ELAVL2: variants seen among roughly 807,000 people sequenced by gnomAD.
ELAVL2 encodes the protein ELAV-like protein 2.
Under a neutral mutation model 34.6 loss-of-function variants are expected in ELAVL2, and 4 were observed. The observed-to-expected ratio is 0.12, with a 90% CI of 0.06 to 0.26. The LOEUF (loss-of-function observed/expected upper bound fraction) is 0.26, where lower values mean the gene tolerates loss of function less well. Ranked by LOEUF, ELAVL2 falls within the 10% of genes least tolerant of loss-of-function variation. The pLI is 1.00. For missense variants in ELAVL2, 432 were observed against 442.8 expected (o/e 0.98, Z 0.22); for synonymous variants, 193 against 154.8 (o/e 1.25, Z -1.83).
intron 3 of ELAVL2, among the ~76,000 whole-genome samples, chr9:23,723,269 T>C (rs530418856): frequency 9.2e-5 from 14 of 152,196 alleles, no homozygotes; most frequent in East Asian, 7.7e-4. Context: ...ATGTCCTTTG[T>C]AGGGACATGG....
At chr9:23,815,571 AAT>A (rs768880879) in intron 1 of ELAVL2, among the ~76,000 whole-genome samples, 8 of 152,334 alleles carry the variant, frequency 5.3e-5, no homozygotes, top group Non-Finnish European at 1.2e-4. Context: ...CAATTCAGTC[AAT>A]GTCATTTCAT....
chr9:23,833,815 T>G, the ELAVL2 span, among the ~76,000 whole-genome samples: 4 of 151,960 alleles, frequency 2.6e-5, no homozygotes, highest in South Asian at 6.2e-4. Context: ...CTATGATGTA[T>G]TAAGGCAAAA....
At chr9:23,735,233 C>T (rs2047587862) in intron 2 of ELAVL2, 1 of 151,624 alleles carries the variant, frequency 6.6e-6, no homozygotes, top group Admixed American at 6.6e-5. Context: ...TTCTCAGAAG[C>T]TACCTGTGGT....
At chr9:23,822,860 C>G (rs1158413361) in intron 1 of ELAVL2, among the ~76,000 whole-genome samples, 1 of 151,234 alleles carries the variant, frequency 6.6e-6, no homozygotes, top group Non-Finnish European at 1.5e-5. Flanking sequence ...GGGCATGATG[C>G]AGGTTTGATG....
chr9:23,833,443 T>A, the ELAVL2 span, among the ~76,000 whole-genome samples: 4 of 151,830 alleles, frequency 2.6e-5, no homozygotes, highest in Non-Finnish European at 5.9e-5. Flanking sequence ...AAGACTTTTT[T>A]AAGATGTTAA....
chr9:23,825,346 T>A (rs1415826508), intron 1 of ELAVL2, among the ~76,000 whole-genome samples: 2 of 152,320 alleles, frequency 1.3e-5, no homozygotes, highest in South Asian at 2.1e-4. Context: ...ATCTGGTTAA[T>A]GCAATTAAGC....
At chr9:23,750,027 A>C (rs1433042509) in intron 2 of ELAVL2, among the ~76,000 whole-genome samples, 2 of 126,108 alleles carry the variant, frequency 1.6e-5, no homozygotes, top group Non-Finnish European at 3.2e-5. Flanking sequence ...CTGTCTTAAA[A>C]AAGGAAAAAA....
chr9:23,746,351 T>C (rs1040309446), intron 2 of ELAVL2, among the ~76,000 whole-genome samples: 2 of 152,130 alleles, frequency 1.3e-5, no homozygotes, highest in African/African-American at 2.4e-5. Context: ...ATAAAAAATA[T>C]GAATTACATA....
rs116454710 is a variant in ELAVL2, at chr9:23,793,221, C to T, written c.-15-30972G>A. Among the ~76,000 whole-genome samples the T allele has an allele frequency of 9.5e-3, 1,441 of 152,278 alleles. 15 individuals are homozygous for T. The highest frequency in any genetic ancestry group is 0.03 in the African/African-American group (1,241 of 41,542). ...GGCTTGTTATGGCAAAACCTTCTAC[C>T]CTCAACTGCTGCTCTGCCACATACT... is the stretch of plus-strand genomic sequence containing the variant. On this transcript the variant is annotated intron_variant, in intron 1 of 6. Transcript: ENST00000397312.
At chr9:23,789,247 G>A (rs1426283031) in intron 1 of ELAVL2, among the ~76,000 whole-genome samples, 1 of 152,080 alleles carries the variant, frequency 6.6e-6, no homozygotes, top group Non-Finnish European at 1.5e-5. Context: ...ATCAGTCTAG[G>A]CCAGTGCCCA....
chr9:23,821,045 C>G (rs1194007307), intron 1 of ELAVL2, among the ~76,000 whole-genome samples: 2 of 152,208 alleles, frequency 1.3e-5, no homozygotes, highest in South Asian at 2.1e-4. Context: ...CCGAGAGCTC[C>G]AAGGACCGCG....
chr9:23,713,585 T>C lies in ELAVL2; in HGVS notation c.334-8514A>G, dbSNP rs80307239. 8.5e-3 allele frequency among the ~76,000 whole-genome samples: 1,293 copies of C among 152,162 alleles called. 22 individuals carry two copies. The highest frequency in any genetic ancestry group is 0.03 in the African/African-American group (1,241 of 41,490). On this transcript the variant is annotated intron_variant, in intron 3 of 6. Transcript: ENST00000397312. ...ACCGGTAGCTCTCTGCATTAGAAAA[T>C]TGTCAGTAGTGGTTAAGAATGCTAA...
intron 3 of ELAVL2, among the ~76,000 whole-genome samples, chr9:23,722,267 T>C (rs1026220447): frequency 1.3e-5 from 2 of 152,232 alleles, no homozygotes; most frequent in Non-Finnish European, 2.9e-5. Flanking sequence ...ACGACTTACA[T>C]GAACCTACCA....
intron 1 of ELAVL2, chr9:23,764,904 A>C (rs1350469606): frequency 7.8e-6 from 9 of 1,151,884 alleles, no homozygotes; most frequent in Non-Finnish European, 1.0e-5. Context: ...ATGTAAGAAT[A>C]ATTAGTATGC....
At chr9:23,807,937 G>A (rs1204880164) in intron 1 of ELAVL2, among the ~76,000 whole-genome samples, 1 of 152,144 alleles carries the variant, frequency 6.6e-6, no homozygotes, top group East Asian at 1.9e-4. Context: ...AGCTTTCAGA[G>A]TAAAAGTTGC....
intron 2 of ELAVL2, among the ~76,000 whole-genome samples, chr9:23,757,625 G>A (rs754949657): frequency 7.9e-5 from 12 of 151,744 alleles, no homozygotes; most frequent in Non-Finnish European, 1.5e-4. Context: ...ATTTAAAAAC[G>A]CAAAGGGATG....
At chr9:23,739,792 C>CAG (rs1341162757) in intron 2 of ELAVL2, among the ~76,000 whole-genome samples, 1 of 151,934 alleles carries the variant, frequency 6.6e-6, no homozygotes, top group Non-Finnish European at 1.5e-5. Context: ...CCTGCACACA[C>CAG]ACACGCACAC....
intron 1 of ELAVL2, among the ~76,000 whole-genome samples, chr9:23,813,533 C>G (rs183201100): frequency 6.6e-6 from 1 of 151,466 alleles, no homozygotes; most frequent in Non-Finnish European, 1.5e-5. Context: ...AACATCCTAT[C>G]AGTTTTTACA....
At chr9:23,761,513 T>A (rs758866162) in intron 2 of ELAVL2, among the ~76,000 whole-genome samples, 2 of 152,054 alleles carry the variant, frequency 1.3e-5, no homozygotes, top group African/African-American at 2.4e-5. Context: ...TAAGATCTCA[T>A]CACGCTTGGT....
Sources: gnomAD v4.1 joint callset for allele counts (sites outside exome capture counted in the v4.1 genomes callset) on GRCh38, gnomAD v4.1.1 for gene constraint, MANE v1.5 for transcripts, NCBI Gene and HGNC (gene_info 2026-07-23, HGNC 2026-07-21) for gene names.